The following AK3 variants were observed in gnomAD, a reference collection of about 807,000 sequenced individuals.
AK3 encodes the protein GTP:AMP phosphotransferase AK3, mitochondrial.
Under a neutral mutation model 23.7 loss-of-function variants are expected in AK3, and 27 were observed. The ratio of observed to expected loss-of-function variants is 1.14; its 90% CI spans 0.84 to 1.57. The LOEUF is 1.57. Ranked by LOEUF, AK3 falls within the 40% of genes most tolerant of loss-of-function variation. AK3 has a pLI of 0.00. For missense variants in AK3, 406 were observed against 285.6 expected, an observed-to-expected ratio of 1.42 and a Z score of -3.04; for synonymous variants, 159 against 116.0, an observed-to-expected ratio of 1.37 and a Z score of -2.38.
At chr9:4,730,552 A>G (rs1563794692) in intron 1 of AK3, among the ~76,000 whole-genome samples, 1 of 152,194 alleles carries the variant, frequency 6.6e-6, no homozygotes, top group African/African-American at 2.4e-5. Context: ...GCAGTGAGCC[A>G]TGACCGCACT....
At chr9:4,727,538 A>G (rs1842047053) in intron 1 of AK3, among the ~76,000 whole-genome samples, 1 of 152,196 alleles carries the variant, frequency 6.6e-6, no homozygotes, top group African/African-American at 2.4e-5. Context: ...ACTGAAATGA[A>G]GAGAATTAGG....
chr9:4,729,461 G>C (rs1361403807), intron 1 of AK3, among the ~76,000 whole-genome samples: 1 of 151,916 alleles, frequency 6.6e-6, no homozygotes, highest in Non-Finnish European at 1.5e-5. Flanking sequence ...GACAGAGCAA[G>C]ACCCTGTCTT....
chr9:4,729,013 A>T lies in AK3; in HGVS notation c.152-6388T>A, dbSNP rs867258548. ...CACACACACACATATATATATATAT[A>T]TATTTTTTTTTTTTGAGACGGAATT... On this transcript the variant is annotated intron_variant, in intron 1 of 4. Transcript: ENST00000381809. Among the ~76,000 whole-genome samples the T allele has an allele frequency of 8.6e-3, 946 of 109,796 alleles. 35 individuals carry two copies. Among genetic ancestry groups the T allele is most frequent in the South Asian group, 0.051 (165 of 3,210 alleles). The allele number at this position is 109,796 out of a possible 152,430, so 72.0% of individuals were successfully genotyped here. A position where few individuals can be genotyped will look rare whatever the true frequency, so the allele number is the denominator to read the frequency against.
intron 1 of AK3, among the ~76,000 whole-genome samples, chr9:4,731,265 C>A (rs1378298425): frequency 2.6e-5 from 4 of 152,086 alleles, no homozygotes; most frequent in African/African-American, 9.7e-5. Flanking sequence ...TCCTCTCCCT[C>A]CTCCCCACCT....
intron 1 of AK3, among the ~76,000 whole-genome samples, chr9:4,730,802 A>G (rs1302458527): frequency 6.6e-6 from 1 of 152,212 alleles, no homozygotes; most frequent in African/African-American, 2.4e-5. Context: ...TGTGATGAGA[A>G]AGAATTGTTA....
rs1841508491 is a variant in AK3 at position 4,710,002 on chromosome 9, C to A, written c.*2974G>T. 1 of 151,986 alleles carries A rather than the reference C, an allele frequency of 6.6e-6. No homozygotes were observed. The highest frequency in any genetic ancestry group is 2.4e-5 in the African/African-American group (1 of 41,388). The allele number at this position is 151,986 out of a possible 1,614,324, so 9.4% of individuals were successfully genotyped here. ...GGATCCAAAATATCTTGCTAGAATG[C>A]CATTATATATAGCTGGGGGAAAAGT... On this transcript the variant is annotated 3_prime_UTR_variant, in exon 5 of 5. Coordinates refer to ENST00000381809, the MANE Select transcript of AK3 (RefSeq NM_016282.4).
intron 2 of AK3, among the ~76,000 whole-genome samples, chr9:4,722,042 A>G (rs1310745737): frequency 6.6e-6 from 1 of 152,206 alleles, no homozygotes; most frequent in Non-Finnish European, 1.5e-5. Context: ...GATCTTCTTG[A>G]AGAAAAGGCT....
intron 1 of AK3, among the ~76,000 whole-genome samples, chr9:4,730,989 C>T (rs1488034294): frequency 1.3e-5 from 2 of 152,234 alleles, no homozygotes; most frequent in Non-Finnish European, 2.9e-5. Context: ...GCTACCAGAT[C>T]TACACCTCTT....
chr9:4,722,500 A>C lies in AK3; in HGVS notation c.271+6T>G. Reference sequence around the variant, plus strand: ...GCAGGTGAAATGCTCATGAGACTCCACTTACCATCCAACAGCCAGCTATAC... The same window carrying C: ...GCAGGTGAAATGCTCATGAGACTCCCCTTACCATCCAACAGCCAGCTATAC... On this transcript the variant is annotated splice_donor_region_variant and intron_variant, in intron 2 of 4. Coordinates refer to ENST00000381809, the MANE Select transcript of AK3 (RefSeq NM_016282.4). 3 of 1,614,098 alleles carry C rather than the reference A, an allele frequency of 1.9e-6. No individual in the cohort carries two copies. The highest frequency in any genetic ancestry group is 2.5e-6 in the Non-Finnish European group (3 of 1,180,004).
At chr9:4,728,112 A>G (rs1842059763) in intron 1 of AK3, among the ~76,000 whole-genome samples, 1 of 152,252 alleles carries the variant, frequency 6.6e-6, no homozygotes, top group Admixed American at 6.5e-5. Context: ...AAAATATTTT[A>G]AATATTGCAA....
intron 4 of AK3, 113 bp from the exon 5 acceptor site, chr9:4,713,209 T>C: frequency 7.3e-7 from 1 of 1,370,012 alleles, no homozygotes; most frequent in South Asian, 1.7e-5. Flanking sequence ...TCTTGGTAAG[T>C]ATAGATTTGT....
rs930777569 is a variant in AK3 at position 4,710,263 on chromosome 9, A to G, written c.*2713T>C. The stretch of plus-strand genomic sequence containing the variant: ...CCCTCTGTCGCCCAGGCTGGAGTGC[A>G]GTGGCACGATCTCAGCTCACTGCAA... On this transcript the variant is annotated 3_prime_UTR_variant, in exon 5 of 5. Coordinates refer to ENST00000381809, the MANE Select transcript of AK3 (RefSeq NM_016282.4). 6.6e-6 allele frequency: 1 copy of G among 152,046 alleles called. No individual in the cohort carries two copies. The highest frequency in any genetic ancestry group is 2.4e-5 in the African/African-American group (1 of 41,322). The allele number at this position is 152,046 out of a possible 1,614,324, so 9.4% of individuals were successfully genotyped here. A position where few individuals can be genotyped will look rare whatever the true frequency, so the allele number is the denominator to read the frequency against.
chr9:4,729,427 G>A (rs1026515605), intron 1 of AK3, among the ~76,000 whole-genome samples: 22 of 152,104 alleles, frequency 1.4e-4, no homozygotes, highest in African/African-American at 2.2e-4. Flanking sequence ...AGCCATGATC[G>A]CGCCACTGTA....
chr9:4,722,652 G>C (rs1414993338), intron 1 of AK3, 27 bp from the exon 2 acceptor site: 5 of 1,613,932 alleles, frequency 3.1e-6, no homozygotes, highest in Non-Finnish European at 4.2e-6. Context: ...AAAAAAATCA[G>C]TAAGTGCATT....
chr9:4,741,959 C>A (rs774383554), upstream of AK3: 1 of 151,600 alleles, frequency 6.6e-6, no homozygotes, highest in African/African-American at 2.4e-5. Context: ...GACCTTGAGC[C>A]GAGAGGGCCT....
At chr9:4,723,894 A>T (rs890668751) in intron 1 of AK3, among the ~76,000 whole-genome samples, 11 of 152,226 alleles carry the variant, frequency 7.2e-5, no homozygotes, top group African/African-American at 1.4e-4. Flanking sequence ...CAGATGTCAG[A>T]TTAAAGGGTC....
Position 4,722,540 on chromosome 9 carries a change from C to G in AK3, c.237G>C (p.Leu79=). Residue 79 remains leucine, a synonymous_variant, in exon 2 of 5, where the codon CTG becomes CTC. Transcript: ENST00000381809. ...DVMTRLALHE[L]KNLTQYSWLL... is the part of the protein sequence containing the mutation. ...GCCAGCTATACTGGGTGAGATTTTTCAGCTCATGAAGGGCCAGCCGAGTCA... is the reference window on the plus strand; with the variant it reads ...GCCAGCTATACTGGGTGAGATTTTTGAGCTCATGAAGGGCCAGCCGAGTCA... The G allele has an allele frequency of 6.2e-7, 1 of 1,614,200 alleles. No individual in the cohort carries two copies.
intron 1 of AK3, among the ~76,000 whole-genome samples, chr9:4,723,684 A>G (rs567099302): frequency 1.3e-5 from 2 of 152,294 alleles, no homozygotes; most frequent in Admixed American, 1.3e-4. Context: ...GTGGTTTTAT[A>G]TAGTCATTTT....
chr9:4,728,012 T>C lies in AK3; in HGVS notation c.152-5387A>G, dbSNP rs540045391. On this transcript the variant is annotated intron_variant, in intron 1 of 4. Coordinates refer to ENST00000381809, the MANE Select transcript of AK3 (RefSeq NM_016282.4). ...TATCAATTAAGTTTGCCATCTTATATGGGTATAGTTCATGGCACCCCAAAA... is the reference window on the plus strand; with the variant it reads ...TATCAATTAAGTTTGCCATCTTATACGGGTATAGTTCATGGCACCCCAAAA... 7.9e-5 allele frequency among the ~76,000 whole-genome samples: 12 copies of C among 152,274 alleles called. No homozygotes were observed. The East Asian group carries it at 2.1e-3, about 27-fold the overall frequency.
Sources: gnomAD v4.1 joint callset for allele counts (sites outside exome capture counted in the v4.1 genomes callset) on GRCh38, gnomAD v4.1.1 for gene constraint, MANE v1.5 for transcripts, NCBI Gene and HGNC (gene_info 2026-07-23, HGNC 2026-07-21) for gene names.